Variants in LRP8 observed in about 807,000 individuals in gnomAD.
LRP8 encodes low-density lipoprotein receptor-related protein 8.
LRP8 carries 46 observed loss-of-function variants against 111.6 expected under a neutral mutation model. The observed-to-expected ratio is 0.41, with a 90% CI of 0.33 to 0.53. LRP8 has a LOEUF of 0.53. Among genes scored for constraint, LRP8 ranks in the 20% least tolerant of loss-of-function variants. The probability of loss-of-function intolerance (pLI) is 0.20; values close to 1 mark genes in which losing one functional copy is unlikely to be tolerated. For missense variants in LRP8, 959 were observed against 1,297.4 expected (o/e 0.74, Z 4.01); for synonymous variants, 464 against 511.2 (o/e 0.91, Z 1.24).
At position 53,293,981 on chromosome 1, in the gene LRP8, T is replaced by C. The variant is rs1557821987; in HGVS notation, c.245-4292A>G. Among the ~76,000 whole-genome samples the C allele has an allele frequency of 6.6e-6, 1 of 152,160 alleles. No homozygotes were observed. The highest frequency in any genetic ancestry group is 1.5e-5 in the Non-Finnish European group (1 of 68,022). ...AGGCCGTTCAGTGCAATGAGCCCAA[T>C]AGTCCCTCGTGAAGAGACCATATCA... On this transcript the variant is annotated intron_variant, in intron 2 of 18. Transcript: ENST00000306052. The surrounding 1 kb of genome is among the most constrained non-coding windows in gnomAD (Gnocchi z 4.9).
intron 4 of LRP8, among the ~76,000 whole-genome samples, chr1:53,280,246 T>A (rs1313115370): frequency 6.6e-6 from 1 of 152,212 alleles, no homozygotes; most frequent in Non-Finnish European, 1.5e-5. Flanking sequence ...GATGAGCAGA[T>A]GTCAGACATG....
At chr1:53,290,294 T>C (rs929266875) in intron 2 of LRP8, among the ~76,000 whole-genome samples, 36 of 150,894 alleles carry the variant, frequency 2.4e-4, no homozygotes, top group Admixed American at 2.2e-3. Flanking sequence ...TCAATCCCAC[T>C]TCCTCCTCCT....
rs1649296435 is a variant in LRP8 at position 53,294,302 on chromosome 1, TAGGGGCAGTGAGG to T, written c.245-4626_245-4614del. Among the ~76,000 whole-genome samples the T allele has an allele frequency of 2.0e-5, 3 of 152,330 alleles. No homozygotes were observed. Among genetic ancestry groups the T allele is most frequent in the African/African-American group, 7.2e-5 (3 of 41,566 alleles). On this transcript the variant is annotated intron_variant, in intron 2 of 18. Transcript: ENST00000306052. The surrounding 1 kb of genome is among the most constrained non-coding windows in gnomAD (Gnocchi z 4.1). ...GCTGCCACAAAGGACTAGGGGATTC[TAGGGGCAGTGAGG>T]AGGGGCTGACCCCAGGGTAGAGTAG...
At chr1:53,316,315 A>G (rs1173675680) in intron 2 of LRP8, among the ~76,000 whole-genome samples, 1 of 151,862 alleles carries the variant, frequency 6.6e-6, no homozygotes, top group African/African-American at 2.4e-5. Flanking sequence ...CAGGCTGGGA[A>G]TGGGGAGGGG....
chr1:53,289,200 C>G (rs539390263), intron 3 of LRP8: 1 of 179,776 alleles, frequency 5.6e-6, no homozygotes, highest in Admixed American at 5.9e-5. Flanking sequence ...GCTTAGCACA[C>G]GATAAAGGCT....
chr1:53,316,910 C>T (rs970704690), intron 2 of LRP8, among the ~76,000 whole-genome samples: 4 of 152,174 alleles, frequency 2.6e-5, no homozygotes, highest in Admixed American at 2.6e-4. Flanking sequence ...ACAAATCATT[C>T]CCCACCACGA....
chr1:53,319,245 C>G (rs1488169246), intron 2 of LRP8, among the ~76,000 whole-genome samples: 2 of 152,212 alleles, frequency 1.3e-5, no homozygotes, highest in Non-Finnish European at 2.9e-5. Context: ...CTAAGATGCC[C>G]TCCAGAGTGG....
At position 53,279,513 on chromosome 1, in the gene LRP8, T is replaced by C. The variant is rs1179747633; in HGVS notation, c.496+1074A>G. The stretch of plus-strand genomic sequence containing the variant: ...TGAGCCAGTGCCATCACTGGGACTT[T>C]GAAACTGCTGTTCCCAGCCAGGATC... On this transcript the variant is annotated intron_variant, in intron 4 of 18. Coordinates refer to ENST00000306052, the MANE Select transcript of LRP8 (RefSeq NM_004631.5). The surrounding 1 kb of genome is among the most constrained non-coding windows in gnomAD (Gnocchi z 4.4). 2.0e-5 allele frequency among the ~76,000 whole-genome samples: 3 copies of C among 152,332 alleles called. No homozygotes were observed. The highest frequency in any genetic ancestry group is 7.2e-5 in the African/African-American group (3 of 41,590).
intron 2 of LRP8, among the ~76,000 whole-genome samples, chr1:53,316,547 T>G (rs1479573505): frequency 6.6e-6 from 1 of 152,162 alleles, no homozygotes; most frequent in East Asian, 1.9e-4. Flanking sequence ...CCCCCATGCT[T>G]CCAGCCCTGG....
intron 16 of LRP8, among the ~76,000 whole-genome samples, chr1:53,254,737 T>G (rs1228091759): frequency 6.6e-6 from 1 of 152,180 alleles, no homozygotes; most frequent in African/African-American, 2.4e-5. Flanking sequence ...GGTAAGCAGC[T>G]CTATTCATTA....
chr1:53,245,626 G>A lies in LRP8; in HGVS notation c.*1392C>T, dbSNP rs1218064086. The stretch of plus-strand genomic sequence containing the variant: ...TAAATATCCAATATAATATAATATT[G>A]CGTATGCCATTTCCCCCCTCAAATA... On this transcript the variant is annotated 3_prime_UTR_variant, in exon 19 of 19. Transcript: ENST00000306052. The A allele has an allele frequency of 1.3e-5, 2 of 152,338 alleles. No homozygotes were observed. The highest frequency in any genetic ancestry group is 3.8e-4 in the East Asian group (2 of 5,202). 9.4% of individuals were successfully genotyped at this position (152,338 alleles called of 1,614,324 possible). A position where few individuals can be genotyped will look rare whatever the true frequency, so the allele number is the denominator to read the frequency against.
chr1:53,251,352 G>GGGC (rs1208052875), intron 16 of LRP8, among the ~76,000 whole-genome samples: 1 of 152,104 alleles, frequency 6.6e-6, no homozygotes, highest in African/African-American at 2.4e-5. Context: ...CCCAAAACTG[G>GGGC]GGGGTGGAGA....
chr1:53,283,569 C>A (rs1647194044), intron 3 of LRP8, among the ~76,000 whole-genome samples: 1 of 110,182 alleles, frequency 9.1e-6, no homozygotes, highest in Non-Finnish European at 1.9e-5. Context: ...ACTACATACC[C>A]GGGCCACTTA....
At chr1:53,324,302 T>G (rs1654871075) in intron 2 of LRP8, among the ~76,000 whole-genome samples, 1 of 152,182 alleles carries the variant, frequency 6.6e-6, no homozygotes, top group Non-Finnish European at 1.5e-5. Flanking sequence ...CGGGAAGGGC[T>G]GAGGAAAGAA....
intron 2 of LRP8, among the ~76,000 whole-genome samples, chr1:53,298,408 G>T (rs1271742468): frequency 6.6e-6 from 1 of 152,180 alleles, no homozygotes. Context: ...GGAGTCCCTG[G>T]CTGGCGCCTG....
At chr1:53,257,493 T>C (rs1162196166) in intron 14 of LRP8, 29 bp from the exon 15 acceptor site, 2 of 1,576,410 alleles carry the variant, frequency 1.3e-6, no homozygotes, top group Non-Finnish European at 1.7e-6. Flanking sequence ...GGAGGTCACT[T>C]GGACAGATAA....
chr1:53,289,162 T>A (rs2100459118), intron 3 of LRP8, among the ~76,000 whole-genome samples: 1 of 152,230 alleles, frequency 6.6e-6, no homozygotes, highest in Middle Eastern at 3.4e-3. Flanking sequence ...GCTGCTGTGG[T>A]TATCAAAGGC....
intron 3 of LRP8, among the ~76,000 whole-genome samples, chr1:53,282,717 A>G (rs1647154426): frequency 6.6e-6 from 1 of 151,974 alleles, no homozygotes; most frequent in African/African-American, 2.4e-5. Flanking sequence ...CATTTTAGTA[A>G]CTCCCCACCA....
In LRP8 at chr1:53,294,036, C is replaced by G. The variant is rs1239475121; in HGVS notation, c.245-4347G>C. On this transcript the variant is annotated intron_variant, in intron 2 of 18. Coordinates refer to ENST00000306052, the MANE Select transcript of LRP8 (RefSeq NM_004631.5). This position sits in a 1 kb window ranked among gnomAD's most constrained non-coding sequence, Gnocchi z 4.1. ...TGCCATGAGATGAGGGCTGTGCCGC[C>G]ATTCTAAGGCTGTCAGAGAAAGCCA... Among the ~76,000 whole-genome samples the G allele has an allele frequency of 2.6e-5, 4 of 152,210 alleles. No individual in the cohort carries two copies. The highest frequency in any genetic ancestry group is 2.0e-4 in the Admixed American group (3 of 15,284).
Sources: allele counts gnomAD v4.1 joint callset (sites outside exome capture counted in the v4.1 genomes callset), GRCh38; gene constraint gnomAD v4.1.1; non-coding constraint Gnocchi (gnomAD v3.1); transcripts MANE v1.5; gene names NCBI Gene and HGNC (gene_info 2026-07-23, HGNC 2026-07-21).